The following TSHR variants were observed in gnomAD, a reference collection of about 807,000 sequenced individuals.
TSHR encodes the protein thyroid stimulating hormone receptor, also known as thyrotropin receptor.
Under a neutral mutation model 64.1 loss-of-function variants are expected in TSHR, and 51 were observed. The observed-to-expected ratio is 0.80, with a 90% CI of 0.64 to 1.01. The LOEUF (loss-of-function observed/expected upper bound fraction) is 1.01, where lower values mean the gene tolerates loss of function less well. TSHR is among the 50% of genes least tolerant of loss of function. The pLI, the probability that TSHR is intolerant of heterozygous loss-of-function variation, is 0.00. For synonymous variants in TSHR, 361 were observed against 361.9 expected (o/e 1.00, Z 0.03); for missense variants, 877 against 942.8 (o/e 0.93, Z 0.91).
intron 6 of TSHR, 100 bp downstream of exon 6, chr14:81,092,708 T>C: frequency 9.6e-7 from 1 of 1,038,764 alleles, no homozygotes; most frequent in South Asian, 1.3e-5. Context: ...CCTTATCATA[T>C]ATACTCTATA....
chr14:81,094,283 C>T (rs540320374), intron 6 of TSHR: 6 of 152,306 alleles, frequency 3.9e-5, no homozygotes, highest in African/African-American at 1.4e-4. Context: ...ACCATGTTCC[C>T]TTTTCAAGGC....
chr14:81,080,097 C>T (rs570102281), intron 3 of TSHR, among the ~76,000 whole-genome samples: 1 of 151,930 alleles, frequency 6.6e-6, no homozygotes, highest in Non-Finnish European at 1.5e-5. Flanking sequence ...GGACTACAGG[C>T]GTGTGCCACC....
At chr14:81,119,681 A>G (rs989247056) in intron 8 of TSHR, among the ~76,000 whole-genome samples, 4 of 127,468 alleles carry the variant, frequency 3.1e-5, no homozygotes, top group Non-Finnish European at 4.8e-5. Context: ...ATTACTGGGT[A>G]TATACCCAAA....
In TSHR at chr14:81,114,472, G is replaced by A. The variant is rs1489905787; in HGVS notation, c.692+6020G>A. Among the ~76,000 whole-genome samples, 41 of 152,192 alleles carry A rather than the reference G, an allele frequency of 2.7e-4. 1 individual carries two copies. The highest frequency in any genetic ancestry group is 1.5e-3 in the Admixed American group (23 of 15,296). On this transcript the variant is annotated intron_variant, in intron 8 of 9. Coordinates refer to ENST00000298171, the MANE Select transcript of TSHR (RefSeq NM_000369.5). ...CACCCGAATACTGCGCTTTTCCGAC[G>A]GGCTTAAAAAACGGCGCACCACGAG...
chr14:81,051,252 C>T (rs1231813904), intron 1 of TSHR: 1 of 152,236 alleles, frequency 6.6e-6, no homozygotes, highest in Non-Finnish European at 1.5e-5. Flanking sequence ...AATTCAGTCA[C>T]ATTTCAGGCT....
intron 4 of TSHR, among the ~76,000 whole-genome samples, chr14:81,089,090 C>T (rs1014346977): frequency 6.6e-6 from 1 of 151,074 alleles, no homozygotes; most frequent in African/African-American, 2.4e-5. Flanking sequence ...TGCATTCAAG[C>T]GATTCTCCTG....
chr14:81,131,628 G>C (rs1186102660), intron 8 of TSHR, among the ~76,000 whole-genome samples: 1 of 152,062 alleles, frequency 6.6e-6, no homozygotes, highest in Admixed American at 6.6e-5. Context: ...TTACACTGCT[G>C]GTCCTTTGGC....
chr14:81,056,281 G>A (rs1003439884), intron 1 of TSHR, among the ~76,000 whole-genome samples: 3 of 151,994 alleles, frequency 2.0e-5, no homozygotes, highest in Non-Finnish European at 4.4e-5. Flanking sequence ...CGCAGTCTCG[G>A]GTATGTCTTT....
chr14:81,108,102 T>G (rs1198929596), intron 7 of TSHR, among the ~76,000 whole-genome samples: 11 of 152,128 alleles, frequency 7.2e-5, no homozygotes, highest in Admixed American at 7.2e-4. Flanking sequence ...AAATAGGGAA[T>G]TAAAACAACT....
intron 1 of TSHR, among the ~76,000 whole-genome samples, chr14:81,027,911 T>A (rs1566770089): frequency 6.6e-6 from 1 of 152,186 alleles, no homozygotes; most frequent in Admixed American, 6.5e-5. Flanking sequence ...AGTACCAATC[T>A]TCTCATTTTT....
In TSHR at chr14:80,977,795, A is replaced by G. The variant is rs182644783; in HGVS notation, c.170+21945A>G. Among the ~76,000 whole-genome samples, 213 of 152,328 alleles carry G rather than the reference A, an allele frequency of 1.4e-3. 1 individual carries two copies. Among genetic ancestry groups the G allele is most frequent in the Admixed American group, 4.2e-3 (65 of 15,300 alleles). ...GATACATGGGCGAAGCAATCTTTCT[A>G]CAGTATTCAATTCAATGAATAAATC... On this transcript the variant is annotated intron_variant, in intron 1 of 9. Coordinates refer to ENST00000298171, the MANE Select transcript of TSHR (RefSeq NM_000369.5).
intron 3 of TSHR, chr14:81,087,630 T>G: frequency 2.8e-6 from 1 of 353,950 alleles, no homozygotes; most frequent in Non-Finnish European, 5.4e-6. Context: ...CACCAAATCA[T>G]TGGAGGGATT....
intron 3 of TSHR, among the ~76,000 whole-genome samples, chr14:81,072,731 A>C (rs982373395): frequency 2.0e-5 from 3 of 151,656 alleles, no homozygotes; most frequent in Middle Eastern, 3.2e-3. Flanking sequence ...AACATTATAC[A>C]GAAAGGTTGA....
chr14:81,007,449 A>G (rs570618811), intron 1 of TSHR, among the ~76,000 whole-genome samples: 2 of 152,264 alleles, frequency 1.3e-5, no homozygotes, highest in African/African-American at 4.8e-5. Context: ...ATGTCCCTCA[A>G]TTGGGATTTG....
intron 1 of TSHR, among the ~76,000 whole-genome samples, chr14:81,046,468 T>C (rs1358740114): frequency 4.0e-5 from 6 of 148,960 alleles, no homozygotes; most frequent in African/African-American, 1.5e-4. Context: ...GACTTAACAA[T>C]AGAAACTAGC....
intron 8 of TSHR, among the ~76,000 whole-genome samples, chr14:81,137,003 C>A (rs987854521): frequency 2.0e-5 from 3 of 152,170 alleles, no homozygotes; most frequent in African/African-American, 4.8e-5. Context: ...ATGACTCCAC[C>A]CTTGGTTCAC....
At chr14:80,983,552 G>C (rs771675446) in intron 1 of TSHR, 23 of 1,238,766 alleles carry the variant, frequency 1.9e-5, no homozygotes, top group Admixed American at 1.1e-4. Flanking sequence ...ATATCAGAAA[G>C]GGCTCAATTG....
At chr14:80,992,388 A>G (rs1266432347) in intron 1 of TSHR, 1 of 103,684 alleles carries the variant, frequency 9.6e-6, no homozygotes, top group East Asian at 3.0e-4. Context: ...CGACAGAGAG[A>G]CTCTATCTCA....
chr14:81,115,177 G>A (rs1298987373), intron 8 of TSHR, among the ~76,000 whole-genome samples: 6 of 152,236 alleles, frequency 3.9e-5, no homozygotes, highest in African/African-American at 7.2e-5. Context: ...AAAGCTGGAC[G>A]GAGAATGACT....
Sources: allele counts gnomAD v4.1 joint callset (sites outside exome capture counted in the v4.1 genomes callset), GRCh38; gene constraint gnomAD v4.1.1; transcripts MANE v1.5; gene names NCBI Gene and HGNC (gene_info 2026-07-23, HGNC 2026-07-21).